The following MTMR9 variants were observed in gnomAD, a reference collection of about 807,000 sequenced individuals.
The protein encoded by MTMR9 is myotubularin related protein 9.
In MTMR9, 39 loss-of-function variants were observed where a neutral mutation model predicts 69.5. The observed-to-expected ratio is 0.56, with a 90% CI of 0.43 to 0.73. The LOEUF (loss-of-function observed/expected upper bound fraction) is 0.73. Ranked by LOEUF, MTMR9 falls within the 30% of genes least tolerant of loss-of-function variation. The pLI, the probability that MTMR9 is intolerant of heterozygous loss-of-function variation, is 0.00. For missense variants in MTMR9, 900 were observed against 671.2 expected (o/e 1.34, Z -3.77); for synonymous variants, 354 against 240.8 (o/e 1.47, Z -4.35).
chr8:11,321,776 C>T (rs1585137683), intron 9 of MTMR9, among the ~76,000 whole-genome samples: 1 of 152,184 alleles, frequency 6.6e-6, no homozygotes, highest in Non-Finnish European at 1.5e-5. Flanking sequence ...TCAGGCTTTA[C>T]GCTGTGGTTC....
chr8:11,318,731 G>T (rs554565037), intron 8 of MTMR9: 1 of 152,168 alleles, frequency 6.6e-6, no homozygotes, highest in East Asian at 1.9e-4. Flanking sequence ...TTCATTGTAT[G>T]TGGATATAGA....
chr8:11,305,612 T>C (rs576851494), intron 4 of MTMR9, among the ~76,000 whole-genome samples: 572 of 152,310 alleles, frequency 3.8e-3, no homozygotes, highest in Non-Finnish European at 5.9e-3. Context: ...CATTTCCAGA[T>C]GTATAGTTGG....
At chr8:11,302,984 A>T (rs570755343) in intron 3 of MTMR9, among the ~76,000 whole-genome samples, 9 of 151,938 alleles carry the variant, frequency 5.9e-5, no homozygotes, top group Admixed American at 3.3e-4. Context: ...CAAATGGAAA[A>T]GACAATATAC....
chr8:11,320,054 TG>T (rs1800610404), intron 9 of MTMR9: 4 of 489,530 alleles, frequency 8.2e-6, no homozygotes, highest in Admixed American at 3.8e-5. Flanking sequence ...AAATTAACAG[TG>T]TTTCTTTACA....
intron 2 of MTMR9, among the ~76,000 whole-genome samples, chr8:11,299,651 A>G (rs900609273): frequency 3.3e-5 from 5 of 152,244 alleles, no homozygotes; most frequent in Non-Finnish European, 5.9e-5. Flanking sequence ...ATTTTGAGCC[A>G]AGACCTTACT....
rs1800831648 is a variant in MTMR9, at chr8:11,324,420, G to C, written c.*1632G>C. On this transcript the variant is annotated 3_prime_UTR_variant, in exon 10 of 10. Transcript: ENST00000221086. ...GACTTACTTTCTTTGCTGTAGTTAT[G>C]AACCTTGGGGCATTAAAATCCCATG... is the stretch of plus-strand genomic sequence containing the variant. 1 of 150,330 alleles carries C rather than the reference G, an allele frequency of 6.7e-6. No individual in the cohort carries two copies. The highest frequency in any genetic ancestry group is 2.5e-5 in the African/African-American group (1 of 40,798). The allele number at this position is 150,330 out of a possible 1,614,324, so 9.3% of individuals were successfully genotyped here. A position where few individuals can be genotyped will look rare whatever the true frequency, so the allele number is the denominator to read the frequency against.
Position 11,324,091 on chromosome 8 carries a change from A to G in MTMR9, c.*1303A>G, listed in dbSNP as rs1800815100. The G allele has an allele frequency of 6.6e-6, 1 of 152,220 alleles. No individual in the cohort carries two copies. Among genetic ancestry groups the G allele is most frequent in the South Asian group, 2.1e-4 (1 of 4,832 alleles). 9.4% of individuals were successfully genotyped at this position (152,220 alleles called of 1,614,324 possible). A position where few individuals can be genotyped will look rare whatever the true frequency, so the allele number is the denominator to read the frequency against. On this transcript the variant is annotated 3_prime_UTR_variant, in exon 10 of 10. Transcript: ENST00000221086. ...TTTTTCTTTAAAAGGATAGTTTATG[A>G]GTAATCTTTAAAACCATTTCCATAC...
At chr8:11,312,425 T>G (rs768872948) in intron 6 of MTMR9, among the ~76,000 whole-genome samples, 7 of 152,190 alleles carry the variant, frequency 4.6e-5, no homozygotes, top group Admixed American at 1.3e-4. Flanking sequence ...TAGCTCATTT[T>G]AACTTCAAAC....
chr8:11,330,149 G>C (rs1355441472), downstream of MTMR9, among the ~76,000 whole-genome samples: 1 of 151,890 alleles, frequency 6.6e-6, no homozygotes, highest in Admixed American at 6.6e-5. Flanking sequence ...CCGGGAGGGA[G>C]GTCGGGGATC....
At position 11,304,851 on chromosome 8, in the gene MTMR9, G is replaced by T. The variant is rs757483621; in HGVS notation, c.428G>T (p.Trp143Leu). Residue 143 changes from tryptophan (W) to leucine (L), a missense_variant, in exon 4 of 10, where the codon TGG becomes TTG. Physicochemically the swap from Trp to Leu is moderately conservative, Grantham distance 61. Transcript: ENST00000221086. ...FELYSSATSE[W>L]RLSYVNKEFA... is the part of the protein sequence containing the mutation. ...TTTTGTGTTTTTCAGACCAGTGAAT[G>T]GAGGCTAAGCTATGTCAATAAGGAA... 1.2e-6 allele frequency: 2 copies of T among 1,613,730 alleles called. No individual in the cohort carries two copies. Among genetic ancestry groups the T allele is most frequent in the South Asian group, 2.2e-5 (2 of 91,000 alleles).
At chr8:11,293,373 A>C (rs1391351207) in intron 1 of MTMR9, among the ~76,000 whole-genome samples, 2 of 152,242 alleles carry the variant, frequency 1.3e-5, no homozygotes, top group Non-Finnish European at 1.5e-5. Context: ...AGAGATTAAA[A>C]AGTTTATAAA....
chr8:11,302,460 G>A (rs1374532946), intron 3 of MTMR9, among the ~76,000 whole-genome samples: 1 of 151,744 alleles, frequency 6.6e-6, no homozygotes, highest in Non-Finnish European at 1.5e-5. Context: ...GAACAATAAA[G>A]CAAAGAAAAT....
chr8:11,305,901 T>C (rs1023178790), intron 4 of MTMR9, among the ~76,000 whole-genome samples: 4 of 152,220 alleles, frequency 2.6e-5, no homozygotes, highest in Non-Finnish European at 4.4e-5. Context: ...TCTACAGGTA[T>C]TTGATTCACA....
At chr8:11,307,152 A>T (rs753416884) in intron 5 of MTMR9, among the ~76,000 whole-genome samples, 1 of 152,108 alleles carries the variant, frequency 6.6e-6, no homozygotes, top group Non-Finnish European at 1.5e-5. Flanking sequence ...GCTCACTGCA[A>T]TCTCTGCCTC....
intron 8 of MTMR9, chr8:11,319,066 G>C (rs1176069705): frequency 2.6e-5 from 4 of 151,302 alleles, no homozygotes; most frequent in Non-Finnish European, 5.9e-5. Flanking sequence ...AATACCACCT[G>C]TTCCCCAATA....
chr8:11,321,410 C>T, intron 9 of MTMR9: 1 of 455,200 alleles, frequency 2.2e-6, no homozygotes, highest in Non-Finnish European at 4.4e-6. Flanking sequence ...CATTTAATAA[C>T]TGAAATGAGC....
the MTMR9 span, among the ~76,000 whole-genome samples, chr8:11,334,259 T>C: frequency 2.6e-5 from 4 of 152,226 alleles, no homozygotes; most frequent in East Asian, 1.9e-4. Context: ...AAAACAGTAT[T>C]AATGTAATTT....
At chr8:11,310,035 TAGA>T (rs1371556296) in intron 6 of MTMR9, among the ~76,000 whole-genome samples, 3 of 152,224 alleles carry the variant, frequency 2.0e-5, no homozygotes, top group Admixed American at 2.0e-4. Flanking sequence ...TATTTTTTCT[TAGA>T]GGAGCGAACT....
intron 3 of MTMR9, 48 bp downstream of exon 3, chr8:11,300,196 CTTAT>C (rs1799703892): frequency 6.3e-7 from 1 of 1,591,614 alleles, no homozygotes; most frequent in South Asian, 1.1e-5. Context: ...AACCCAATAC[CTTAT>C]TTGACTTGTG....
Sources: gnomAD v4.1 joint callset for allele counts (sites outside exome capture counted in the v4.1 genomes callset) on GRCh38, gnomAD v4.1.1 for gene constraint, MANE v1.5 for transcripts, NCBI Gene and HGNC (gene_info 2026-07-23, HGNC 2026-07-21) for gene names.